Variants in ADGRV1 observed in about 807,000 individuals in gnomAD.
ADGRV1 encodes adhesion G protein-coupled receptor V1, also known as G-protein coupled receptor 98.
In ADGRV1, 359 loss-of-function variants were observed where a neutral mutation model predicts 596.2. The ratio of observed to expected loss-of-function variants is 0.60; its 90% confidence interval spans 0.55 to 0.66. The LOEUF (loss-of-function observed/expected upper bound fraction) is 0.66. Ranked by LOEUF, ADGRV1 falls within the 30% of genes least tolerant of loss-of-function variation. The pLI is 0.00. For missense variants in ADGRV1, 7,274 were observed against 7,575.6 expected (o/e 0.96, Z 1.48); for synonymous variants, 2,681 against 2,679.2 (o/e 1.00, Z -0.02).
intron 83 of ADGRV1, among the ~76,000 whole-genome samples, chr5:90,911,399 G>A (rs1772879094): frequency 6.6e-6 from 1 of 152,066 alleles, no homozygotes. Flanking sequence ...CACTGATCCA[G>A]ACCTCATGAG....
intron 26 of ADGRV1, 40 bp from the exon 27 acceptor site, chr5:90,681,275 A>G: frequency 1.3e-6 from 2 of 1,596,960 alleles, no homozygotes; most frequent in Non-Finnish European, 1.7e-6. Context: ...ATTACTGATC[A>G]TCATTTTTTT....
intron 84 of ADGRV1, among the ~76,000 whole-genome samples, chr5:90,970,550 C>CATTTGCTTTTCAGCAAT (rs1778871934): frequency 1.7e-5 from 1 of 58,022 alleles, no homozygotes; most frequent in Non-Finnish European, 2.9e-5. Context: ...GAGGCAGCAA[C>CATTTGCTTTTCAGCAAT]ATTTGCTGTT....
intron 1 of ADGRV1, among the ~76,000 whole-genome samples, chr5:90,560,188 T>A (rs1371246221): frequency 2.0e-5 from 3 of 152,138 alleles, no homozygotes; most frequent in Admixed American, 6.5e-5. Flanking sequence ...AATAAAGTAA[T>A]TGGACTAGGT....
Position 90,703,671 on chromosome 5 carries a change from T to C in ADGRV1, c.8162T>C (p.Ile2721Thr). ...SRSVIGHEGE[I>T]LQFHVIRTFP... ...TTACACATTTTACTTGCAGGAGAAA[T>C]TTTACAATTCCATGTGATAAGAACT... The change falls in exon 35 of 90, where the codon ATT becomes ACT. Residue 2721 changes from isoleucine (I) to threonine (T), a missense_variant. This residue lies in a region of ADGRV1 where 3,643 missense variants were observed against 3,809.2 expected (regional missense o/e 0.96). Coordinates refer to ENST00000405460, the MANE Select transcript of ADGRV1 (RefSeq NM_032119.4). 2.5e-6 allele frequency: 4 copies of C among 1,596,518 alleles called. No individual in the cohort carries two copies. In the Middle Eastern group the frequency reaches 6.7e-4, roughly 267 times the overall value.
chr5:91,007,830 G>A (rs1240490363), intron 85 of ADGRV1, among the ~76,000 whole-genome samples: 1 of 152,106 alleles, frequency 6.6e-6, no homozygotes, highest in Non-Finnish European at 1.5e-5. Flanking sequence ...ACTTTTCTAA[G>A]TGGAAAAATC....
chr5:90,634,344 T>C (rs529083805), intron 9 of ADGRV1, among the ~76,000 whole-genome samples: 27 of 152,294 alleles, frequency 1.8e-4, no homozygotes, highest in African/African-American at 6.3e-4. Flanking sequence ...GCCTACGTCA[T>C]GTATTGGGAA....
At chr5:91,114,413 G>A (rs1464470548) in intron 87 of ADGRV1, among the ~76,000 whole-genome samples, 4 of 152,176 alleles carry the variant, frequency 2.6e-5, no homozygotes, top group East Asian at 1.9e-4. Flanking sequence ...TGTAATTGCA[G>A]CTACTCAGAA....
At chr5:90,652,670 G>T in intron 19 of ADGRV1, 107 bp downstream of exon 19, 1 of 666,066 alleles carries the variant, frequency 1.5e-6, no homozygotes, top group Non-Finnish European at 2.5e-6. Flanking sequence ...AATTGGTGAA[G>T]TATTTGTGTC....
In ADGRV1 at chr5:90,694,382, C is replaced by A; in HGVS notation, c.7626C>A (p.Leu2542=). 1.2e-6 allele frequency: 2 copies of A among 1,613,946 alleles called. No homozygotes were observed. Among genetic ancestry groups the A allele is most frequent in the South Asian group, 2.2e-5 (2 of 91,080 alleles). The part of the protein sequence containing the change: ...PEMDESFLIS[L]LEVHLMNISA... ...TGGATGAGAGTTTTCTAATTTCTCT[C>A]CTTGAAGTTCACCTCATGAACATTT... The change falls in exon 33 of 90, where the codon CTC becomes CTA. Residue 2542 remains leucine, a synonymous_variant. Coordinates refer to ENST00000405460, the MANE Select transcript of ADGRV1 (RefSeq NM_032119.4).
chr5:91,150,067 A>G lies in ADGRV1; in HGVS notation c.18470A>G (p.Asn6157Ser), dbSNP rs200111522. 6.7e-4 allele frequency: 1,032 copies of G among 1,548,810 alleles called. 7 individuals carry two copies. The highest frequency in any genetic ancestry group is 2.7e-3 in the Middle Eastern group (16 of 5,996). ...YVFMVYFILH[N>S]QMCCPMKASY... ...TTCATGGTTTATTTCATTTTACACAACCAAATGTGTTGCCCTATGAAGGCC... is the reference window on the plus strand; with the variant it reads ...TTCATGGTTTATTTCATTTTACACAGCCAAATGTGTTGCCCTATGAAGGCC... The change falls in exon 88 of 90, where the codon AAC (asparagine) becomes AGC (serine). Residue 6157 changes from asparagine (N) to serine (S), a missense_variant. This residue lies in a region of ADGRV1 where 1,874 missense variants were observed against 1,970.2 expected (regional missense o/e 0.95). Transcript: ENST00000405460.
At chr5:90,870,063 G>A (rs1768516909) in intron 83 of ADGRV1, among the ~76,000 whole-genome samples, 1 of 152,200 alleles carries the variant, frequency 6.6e-6, no homozygotes, top group African/African-American at 2.4e-5. Context: ...AGAACGATAT[G>A]TGCAATTTTG....
At chr5:90,612,637 A>G (rs1293871307) in intron 1 of ADGRV1, among the ~76,000 whole-genome samples, 1 of 151,968 alleles carries the variant, frequency 6.6e-6, no homozygotes, top group East Asian at 1.9e-4. Context: ...GTTAATGTAT[A>G]TAAAGTACCT....
At chr5:90,852,988 A>G (rs1303059027) in intron 79 of ADGRV1, among the ~76,000 whole-genome samples, 3 of 152,210 alleles carry the variant, frequency 2.0e-5, no homozygotes, top group Non-Finnish European at 4.4e-5. Context: ...AAAGCCACAG[A>G]TTTCATCTTT....
chr5:90,644,037 AT>A (rs928756387), intron 14 of ADGRV1, 54 bp downstream of exon 14: 90 of 1,249,652 alleles, frequency 7.2e-5, no homozygotes, highest in East Asian at 2.6e-4. Flanking sequence ...AAGAAATATA[AT>A]TTTTTTAGTT....
intron 83 of ADGRV1, among the ~76,000 whole-genome samples, chr5:90,895,534 T>C (rs1357310742): frequency 2.0e-5 from 3 of 152,166 alleles, no homozygotes; most frequent in African/African-American, 7.2e-5. Context: ...TTTAACAAGA[T>C]GGGGAGTCTT....
chr5:90,685,097 A>G (rs138101555), intron 28 of ADGRV1, among the ~76,000 whole-genome samples: 2 of 152,208 alleles, frequency 1.3e-5, no homozygotes, highest in African/African-American at 4.8e-5. Context: ...TTCCTTTTTG[A>G]TAACTTTTCA....
At position 90,898,438 on chromosome 5, in the gene ADGRV1, A is replaced by G. The variant is rs529047880; in HGVS notation, c.17856+34581A>G. 2.3e-3 allele frequency among the ~76,000 whole-genome samples: 345 copies of G among 152,256 alleles called. 1 individual carries two copies. Among genetic ancestry groups the G allele is most frequent in the Non-Finnish European group, 4.0e-3 (275 of 68,016 alleles). Reference sequence around the variant, plus strand: ...AGCTCCTACATTTTAAATAGATAGTAGAGATTCATTTTTAATGCTTGATAA... The same window carrying G: ...AGCTCCTACATTTTAAATAGATAGTGGAGATTCATTTTTAATGCTTGATAA... On this transcript the variant is annotated intron_variant, in intron 83 of 89. Transcript: ENST00000405460.
At chr5:91,112,182 G>C (rs1020044362) in intron 87 of ADGRV1, among the ~76,000 whole-genome samples, 3 of 152,156 alleles carry the variant, frequency 2.0e-5, no homozygotes, top group African/African-American at 7.2e-5. Context: ...AAAGTGTCAA[G>C]GTCTGATCTG....
intron 31 of ADGRV1, among the ~76,000 whole-genome samples, chr5:90,691,814 A>G (rs1347351145): frequency 6.6e-6 from 1 of 152,188 alleles, no homozygotes; most frequent in African/African-American, 2.4e-5. Flanking sequence ...ACCATTGTTG[A>G]GAACTTACTA....
Sources: allele counts gnomAD v4.1 joint callset (sites outside exome capture counted in the v4.1 genomes callset), GRCh38; gene constraint gnomAD v4.1.1; regional missense constraint gnomAD v4.1.1; transcripts MANE v1.5; gene names NCBI Gene and HGNC (gene_info 2026-07-23, HGNC 2026-07-21).